The following SDHB variants were observed in gnomAD, a reference collection of about 807,000 sequenced individuals.
SDHB encodes succinate dehydrogenase [ubiquinone] iron-sulfur subunit, mitochondrial.
In SDHB, 21 loss-of-function variants were observed where a neutral mutation model predicts 39.7. The observed-to-expected ratio is 0.53, with a 90% CI of 0.37 to 0.76. The LOEUF is 0.76. Ranked by LOEUF, SDHB falls within the 30% of genes least tolerant of loss-of-function variation. The probability of loss-of-function intolerance (pLI) is 0.00; values close to 1 mark genes in which losing one functional copy is unlikely to be tolerated. For missense variants in SDHB, 343 were observed against 350.9 expected, an observed-to-expected ratio of 0.98 and a Z score of 0.18; for synonymous variants, 118 against 117.0, an observed-to-expected ratio of 1.01 and a Z score of -0.06.
At chr1:17,039,699 A>G (rs2078069902) in intron 2 of SDHB, among the ~76,000 whole-genome samples, 1 of 152,190 alleles carries the variant, frequency 6.6e-6, no homozygotes, top group South Asian at 2.1e-4. Flanking sequence ...TAGAGTTACT[A>G]TTGTGCAACT....
chr1:17,031,650 T>C (rs2078023456), intron 3 of SDHB, among the ~76,000 whole-genome samples: 1 of 152,232 alleles, frequency 6.6e-6, no homozygotes, highest in African/African-American at 2.4e-5. Context: ...TCAAAACAGA[T>C]GTCTTAAAAG....
chr1:17,044,696 A>G (rs2078098912), intron 2 of SDHB, 65 bp downstream of exon 2: 2 of 1,567,988 alleles, frequency 1.3e-6, no homozygotes, highest in Non-Finnish European at 1.8e-6. Context: ...AAGGATGTGA[A>G]AAGCATGTCC....
At chr1:17,052,055 C>T (rs1029411926) in intron 1 of SDHB, among the ~76,000 whole-genome samples, 2 of 151,800 alleles carry the variant, frequency 1.3e-5, no homozygotes, top group Non-Finnish European at 1.5e-5. Flanking sequence ...CCATGTTGGC[C>T]GGGCTGGTCT....
intron 3 of SDHB, among the ~76,000 whole-genome samples, chr1:17,032,006 C>T (rs756866143): frequency 2.6e-5 from 4 of 152,204 alleles, no homozygotes; most frequent in Non-Finnish European, 4.4e-5. Flanking sequence ...AGAACAGAGC[C>T]GGGCACACAG....
intron 2 of SDHB, among the ~76,000 whole-genome samples, chr1:17,044,062 G>A (rs995280355): frequency 7.5e-6 from 1 of 133,934 alleles, no homozygotes. Flanking sequence ...AAACTAACAC[G>A]CCAGTCCAAT....
At chr1:17,027,638 A>G (rs1410854671) in intron 5 of SDHB, 111 bp downstream of exon 5, 4 of 783,804 alleles carry the variant, frequency 5.1e-6, no homozygotes, top group Non-Finnish European at 9.2e-6. Flanking sequence ...GTTCCTCTCC[A>G]GAATACACTA....
At chr1:17,047,369 A>G (rs185378079) in intron 1 of SDHB, among the ~76,000 whole-genome samples, 161 of 152,074 alleles carry the variant, frequency 1.1e-3, no homozygotes, top group African/African-American at 3.8e-3. Flanking sequence ...GAAACAAAAC[A>G]AAACAAAAAG....
At chr1:17,026,721 G>A (rs1422708627) in intron 5 of SDHB, among the ~76,000 whole-genome samples, 2 of 152,102 alleles carry the variant, frequency 1.3e-5, no homozygotes, top group Non-Finnish European at 2.9e-5. Context: ...TATTTACCAA[G>A]TCTCAAAAGG....
At chr1:17,022,290 C>T (rs2077966137) in intron 7 of SDHB, among the ~76,000 whole-genome samples, 1 of 152,202 alleles carries the variant, frequency 6.6e-6, no homozygotes, top group South Asian at 2.1e-4. Flanking sequence ...GCCCACGTTC[C>T]AACGGCTTTC....
intron 2 of SDHB, among the ~76,000 whole-genome samples, chr1:17,036,456 C>CA (rs1408785662): frequency 1.3e-5 from 2 of 152,050 alleles, no homozygotes; most frequent in African/African-American, 4.8e-5. Context: ...ACTATAGGCA[C>CA]AGGAAGGTCA....
chr1:17,050,285 T>C (rs1364545324), intron 1 of SDHB, among the ~76,000 whole-genome samples: 1 of 152,060 alleles, frequency 6.6e-6, no homozygotes. Context: ...ACATCAGTTT[T>C]GGAGTGCCCC....
At chr1:17,040,088 G>A (rs2078072468) in intron 2 of SDHB, among the ~76,000 whole-genome samples, 1 of 151,922 alleles carries the variant, frequency 6.6e-6, no homozygotes, top group African/African-American at 2.4e-5. Context: ...TTTTCTGAAC[G>A]TGGAATTCCA....
intron 2 of SDHB, among the ~76,000 whole-genome samples, chr1:17,043,703 T>C (rs2078093546): frequency 6.6e-6 from 1 of 152,168 alleles, no homozygotes; most frequent in African/African-American, 2.4e-5. Flanking sequence ...TTTTGAGAGA[T>C]GTGATGTGAA....
chr1:17,037,926 C>G (rs868149130), intron 2 of SDHB, among the ~76,000 whole-genome samples: 2 of 152,140 alleles, frequency 1.3e-5, no homozygotes. Context: ...CACCTGAGGT[C>G]AGGAGTTCGA....
chr1:17,044,732 C>T, intron 2 of SDHB, 29 bp downstream of exon 2: 1 of 1,612,430 alleles, frequency 6.2e-7, no homozygotes, highest in African/African-American at 1.3e-5. Flanking sequence ...AACTCTCCTT[C>T]AATAGCTGGC....
chr1:17,035,857 C>CA (rs1045288148), intron 2 of SDHB, among the ~76,000 whole-genome samples: 1 of 151,052 alleles, frequency 6.6e-6, no homozygotes, highest in Non-Finnish European at 1.5e-5. Flanking sequence ...GAGACTGTCT[C>CA]AAAAAAATAA....
chr1:17,029,048 C>T (rs1368880950), intron 3 of SDHB, among the ~76,000 whole-genome samples: 1 of 146,624 alleles, frequency 6.8e-6, no homozygotes, highest in Non-Finnish European at 1.5e-5. Flanking sequence ...GTTTCCACAG[C>T]AGTTCTAGCT....
At chr1:17,047,969 A>AT (rs1377801359) in intron 1 of SDHB, among the ~76,000 whole-genome samples, 2 of 152,148 alleles carry the variant, frequency 1.3e-5, no homozygotes, top group East Asian at 3.9e-4. Context: ...ATGAGCCACC[A>AT]TGCCAGGGCC....
chr1:17,019,356 C>T (rs2077948416), intron 7 of SDHB, among the ~76,000 whole-genome samples: 1 of 152,182 alleles, frequency 6.6e-6, no homozygotes, highest in Non-Finnish European at 1.5e-5. Flanking sequence ...TAGGCAGCAG[C>T]AGAAATCAGC....
Sources: gnomAD v4.1 joint callset for allele counts (sites outside exome capture counted in the v4.1 genomes callset) on GRCh38, gnomAD v4.1.1 for gene constraint, MANE v1.5 for transcripts, NCBI Gene and HGNC (gene_info 2026-07-23, HGNC 2026-07-21) for gene names.